Variants in CDH18 observed in about 807,000 individuals in gnomAD.
CDH18 encodes the protein cadherin 18, also known as cadherin-18.
CDH18 carries 31 observed loss-of-function variants against 67.9 expected under a neutral mutation model. That is an observed-to-expected ratio of 0.46 (90% CI 0.34 to 0.62). The LOEUF (loss-of-function observed/expected upper bound fraction) is 0.62. CDH18 is among the 20% of genes least tolerant of loss of function. The pLI, the probability that CDH18 is intolerant of heterozygous loss-of-function variation, is 0.01. For missense variants in CDH18, 890 were observed against 975.5 expected (o/e 0.91, Z 1.17); for synonymous variants, 362 against 347.2 (o/e 1.04, Z -0.48).
chr5:20,450,015 T>C (rs1039579415), intron 1 of CDH18, among the ~76,000 whole-genome samples: 29 of 151,148 alleles, frequency 1.9e-4, no homozygotes, highest in South Asian at 6.2e-4. Context: ...TGCTGAAATA[T>C]GTGTGTGTGT....
chr5:19,742,358 TTGCA>T (rs1460372116), intron 4 of CDH18, among the ~76,000 whole-genome samples: 1 of 152,094 alleles, frequency 6.6e-6, no homozygotes, highest in Non-Finnish European at 1.5e-5. Flanking sequence ...AATCTATTAT[TTGCA>T]TGATCTTCCT....
intron 5 of CDH18, among the ~76,000 whole-genome samples, chr5:19,687,017 C>T (rs1761190463): frequency 6.6e-6 from 1 of 152,030 alleles, no homozygotes; most frequent in Non-Finnish European, 1.5e-5. Context: ...AGAAGTAACA[C>T]TGGAATTCAG....
chr5:20,309,978 T>TA (rs143709495), intron 1 of CDH18, among the ~76,000 whole-genome samples: 3 of 152,194 alleles, frequency 2.0e-5, no homozygotes, highest in Non-Finnish European at 2.9e-5. Context: ...ATTAAACACA[T>TA]AAAAAAATCT....
intron 2 of CDH18, among the ~76,000 whole-genome samples, chr5:20,074,942 T>G (rs1319880607): frequency 1.3e-5 from 2 of 152,198 alleles, no homozygotes; most frequent in African/African-American, 4.8e-5. Flanking sequence ...ATTAAATACC[T>G]ATATTATTGT....
At chr5:19,564,370 T>C (rs772466593) in intron 8 of CDH18, among the ~76,000 whole-genome samples, 7 of 152,184 alleles carry the variant, frequency 4.6e-5, no homozygotes, top group Non-Finnish European at 1.0e-4. Context: ...GACTTCATCT[T>C]GCAACTTGGA....
At chr5:19,587,168 A>T (rs1744290270) in intron 7 of CDH18, among the ~76,000 whole-genome samples, 1 of 151,930 alleles carries the variant, frequency 6.6e-6, no homozygotes, top group Non-Finnish European at 1.5e-5. Flanking sequence ...TGTCTGTTTA[A>T]CCTGTTGATA....
At chr5:20,194,261 C>A (rs187788078) in intron 2 of CDH18, among the ~76,000 whole-genome samples, 1 of 152,090 alleles carries the variant, frequency 6.6e-6, no homozygotes, top group African/African-American at 2.4e-5. Flanking sequence ...GCAACTTCAG[C>A]AAAGTCTCAG....
At chr5:20,410,985 A>G (rs909566232) in intron 1 of CDH18, among the ~76,000 whole-genome samples, 1 of 152,028 alleles carries the variant, frequency 6.6e-6, no homozygotes, top group Non-Finnish European at 1.5e-5. Context: ...ACGATATCCC[A>G]TATTTCTGGA....
intron 1 of CDH18, among the ~76,000 whole-genome samples, chr5:20,296,288 C>G (rs935636970): frequency 1.4e-5 from 2 of 146,374 alleles, no homozygotes; most frequent in East Asian, 2.1e-4. Context: ...GAGTCTCACT[C>G]TGTTGCCCAG....
intron 1 of CDH18, among the ~76,000 whole-genome samples, chr5:20,493,524 A>T (rs1006931464): frequency 6.6e-6 from 1 of 151,968 alleles, no homozygotes; most frequent in Non-Finnish European, 1.5e-5. Flanking sequence ...CATCATTTGC[A>T]TAAGGCAGAC....
At chr5:20,320,401 G>A (rs1002488916) in intron 1 of CDH18, among the ~76,000 whole-genome samples, 1 of 152,070 alleles carries the variant, frequency 6.6e-6, no homozygotes, top group African/African-American at 2.4e-5. Flanking sequence ...TGTCCCTGAG[G>A]AACTATGACA....
chr5:20,374,531 T>C (rs1372526325), intron 1 of CDH18, among the ~76,000 whole-genome samples: 1 of 152,204 alleles, frequency 6.6e-6, no homozygotes, highest in Non-Finnish European at 1.5e-5. Flanking sequence ...TTGTAAAGGC[T>C]GAAACATTTC....
At chr5:19,566,235 A>C (rs1740371144) in intron 8 of CDH18, among the ~76,000 whole-genome samples, 1 of 152,194 alleles carries the variant, frequency 6.6e-6, no homozygotes, top group African/African-American at 2.4e-5. Context: ...AAATGATGGC[A>C]AAGGATGTGG....
At chr5:20,213,901 C>G (rs1740552151) in intron 2 of CDH18, among the ~76,000 whole-genome samples, 1 of 151,890 alleles carries the variant, frequency 6.6e-6, no homozygotes, top group African/African-American at 2.4e-5. Flanking sequence ...TCTGAAAGAG[C>G]ACTGAAATAG....
At chr5:20,503,324 T>G (rs1044843118) in intron 1 of CDH18, among the ~76,000 whole-genome samples, 12 of 152,172 alleles carry the variant, frequency 7.9e-5, no homozygotes, top group African/African-American at 2.9e-4. Flanking sequence ...ACCCACTAAT[T>G]GAGGCTCTTA....
At chr5:19,887,785 T>TAGTC (rs1296035059) in intron 2 of CDH18, among the ~76,000 whole-genome samples, 13 of 151,748 alleles carry the variant, frequency 8.6e-5, no homozygotes, top group South Asian at 4.2e-4. Flanking sequence ...CTCCCCAGAC[T>TAGTC]AGTCTTGAAC....
At chr5:19,801,032 T>C (rs1161059291) in intron 3 of CDH18, among the ~76,000 whole-genome samples, 3 of 152,012 alleles carry the variant, frequency 2.0e-5, no homozygotes, top group Non-Finnish European at 4.4e-5. Context: ...GCAGGAGAAT[T>C]GCCTCACTGC....
At chr5:20,563,083 C>T (rs1758311776) in intron 1 of CDH18, among the ~76,000 whole-genome samples, 1 of 151,524 alleles carries the variant, frequency 6.6e-6, no homozygotes, top group East Asian at 1.9e-4. Flanking sequence ...TCAGTAAGAG[C>T]TGACTCACAC....
At chr5:20,263,619 G>A (rs1218916856) in intron 1 of CDH18, among the ~76,000 whole-genome samples, 1 of 152,114 alleles carries the variant, frequency 6.6e-6, no homozygotes, top group Non-Finnish European at 1.5e-5. Flanking sequence ...GTAAAAAAAT[G>A]TTACAAATAA....
Sources: gnomAD v4.1 joint callset for allele counts (sites outside exome capture counted in the v4.1 genomes callset) on GRCh38, gnomAD v4.1.1 for gene constraint, MANE v1.5 for transcripts, NCBI Gene and HGNC (gene_info 2026-07-23, HGNC 2026-07-21) for gene names.